The following RGS5 variants were observed in gnomAD, a reference collection of about 807,000 sequenced individuals.
RGS5 encodes regulator of G protein signaling 5, also known as regulator of G-protein signalling 5.
RGS5 carries 20 observed loss-of-function variants against 18.9 expected under a neutral mutation model. That is an observed-to-expected ratio of 1.06 (90% CI 0.74 to 1.54). The LOEUF (loss-of-function observed/expected upper bound fraction) is 1.54, where lower values mean the gene tolerates loss of function less well. Among genes scored for constraint, RGS5 ranks in the 40% most tolerant of loss-of-function variants. The probability of loss-of-function intolerance (pLI) is 0.00; values close to 1 mark genes in which losing one functional copy is unlikely to be tolerated. For synonymous variants in RGS5, 57 were observed against 76.2 expected (o/e 0.75, Z 1.31); for missense variants, 201 against 211.8 (o/e 0.95, Z 0.32).
At chr1:163,225,868 C>T (rs1195559913) in intron 2 of RGS5, among the ~76,000 whole-genome samples, 4 of 152,056 alleles carry the variant, frequency 2.6e-5, no homozygotes, top group African/African-American at 9.7e-5. Flanking sequence ...TTTCCTGAGA[C>T]AATATTGATT....
chr1:163,246,291 C>A (rs1203804663), intron 2 of RGS5, among the ~76,000 whole-genome samples: 3 of 150,846 alleles, frequency 2.0e-5, no homozygotes, highest in Non-Finnish European at 4.4e-5. Flanking sequence ...AAGCACAGGG[C>A]CAGGCGTGGT....
At position 163,146,044 on chromosome 1, in the gene RGS5, T is replaced by C. The variant is rs992855931; in HGVS notation, c.*1298A>G. On this transcript the variant is annotated 3_prime_UTR_variant, in exon 5 of 5. Coordinates refer to ENST00000313961, the MANE Select transcript of RGS5 (RefSeq NM_003617.4). Reference sequence around the variant, plus strand: ...ATTATTTAATCAAATCTACTAAAGATTAGAAAAAATTCTAGCAAGACTTAT... The same window carrying C: ...ATTATTTAATCAAATCTACTAAAGACTAGAAAAAATTCTAGCAAGACTTAT... 6.6e-6 allele frequency: 1 copy of C among 152,162 alleles called. No homozygotes were observed. Among genetic ancestry groups the C allele is most frequent in the African/African-American group, 2.4e-5 (1 of 41,444 alleles). 9.4% of individuals were successfully genotyped at this position (152,162 alleles called of 1,614,324 possible). A position where few individuals can be genotyped will look rare whatever the true frequency, so the allele number is the denominator to read the frequency against.
chr1:163,231,442 A>G (rs1165144015), intron 2 of RGS5, among the ~76,000 whole-genome samples: 3 of 152,194 alleles, frequency 2.0e-5, no homozygotes, highest in Admixed American at 6.5e-5. Flanking sequence ...TATGTTTTGC[A>G]GGAGTAACCC....
upstream of RGS5, among the ~76,000 whole-genome samples, chr1:163,222,597 T>C (rs188471277): frequency 7.2e-5 from 11 of 152,246 alleles, no homozygotes; most frequent in East Asian, 2.1e-3. Flanking sequence ...TCTTATTAAA[T>C]AGCGACAGGT....
rs760512322 is a variant in RGS5, at chr1:163,275,479, G to C, written c.-281+30754C>G. Among the ~76,000 whole-genome samples the C allele has an allele frequency of 8.5e-5, 13 of 152,294 alleles. No homozygotes were observed. The East Asian group carries it at 9.7e-4, about 11-fold the overall frequency. On this transcript the variant is annotated intron_variant, in intron 2 of 5. Coordinates refer to the RGS5 transcript ENST00000618415. ...CAACACTTTAAATGACTAAAGTCCA[G>C]ATTAAGGGGGACACCTTCTAGCAGT...
At chr1:163,182,689 G>C (rs1658904717) in intron 1 of RGS5, among the ~76,000 whole-genome samples, 1 of 152,156 alleles carries the variant, frequency 6.6e-6, no homozygotes, top group Admixed American at 6.5e-5. Flanking sequence ...ATAATGAATA[G>C]TGGGAAAATT....
intron 2 of RGS5, chr1:163,239,034 G>A (rs1397242003): frequency 9.3e-6 from 2 of 215,022 alleles, no homozygotes; most frequent in Non-Finnish European, 2.1e-5. Context: ...GTGAGCTACT[G>A]CGGTACCAAG....
chr1:163,175,117 G>A (rs1658489249), intron 1 of RGS5, among the ~76,000 whole-genome samples: 1 of 152,126 alleles, frequency 6.6e-6, no homozygotes, highest in Admixed American at 6.5e-5. Flanking sequence ...AACATGTCTG[G>A]AATAGATACC....
intron 4 of RGS5, among the ~76,000 whole-genome samples, chr1:163,150,858 G>A (rs1374333167): frequency 6.6e-6 from 1 of 152,110 alleles, no homozygotes; most frequent in East Asian, 1.9e-4. Context: ...ATATCTAATG[G>A]TGGAACTCCA....
At chr1:163,269,344 A>C (rs1648652224) in intron 2 of RGS5, among the ~76,000 whole-genome samples, 2 of 152,158 alleles carry the variant, frequency 1.3e-5, no homozygotes, top group South Asian at 4.1e-4. Context: ...TGCAAACAGA[A>C]GGTCAATGGA....
chr1:163,321,362 C>T (rs1650202784), intron 1 of RGS5: 1 of 152,170 alleles, frequency 6.6e-6, no homozygotes, highest in Admixed American at 6.5e-5. Flanking sequence ...TTCCTTCCAC[C>T]TCTTGAAGTC....
chr1:163,293,456 G>C (rs1649346259), intron 2 of RGS5, among the ~76,000 whole-genome samples: 1 of 152,114 alleles, frequency 6.6e-6, no homozygotes. Flanking sequence ...TAACAGCAAA[G>C]GGGAAACTGT....
intron 2 of RGS5, among the ~76,000 whole-genome samples, chr1:163,290,238 G>C (rs1649246919): frequency 6.6e-6 from 1 of 152,222 alleles, no homozygotes; most frequent in South Asian, 2.1e-4. Context: ...TTCTCTCACT[G>C]CAGGAGAGAG....
At chr1:163,276,633 T>C (rs1295547562) in intron 2 of RGS5, among the ~76,000 whole-genome samples, 2 of 152,232 alleles carry the variant, frequency 1.3e-5, no homozygotes, top group Non-Finnish European at 2.9e-5. Context: ...TGGCTGTCCA[T>C]GTCCATTACT....
chr1:163,289,304 TCCTA>T (rs1308057882), intron 2 of RGS5, among the ~76,000 whole-genome samples: 3 of 151,852 alleles, frequency 2.0e-5, no homozygotes, highest in Non-Finnish European at 1.5e-5. Context: ...GAAATGCCCT[TCCTA>T]CCTTTCTTGG....
intron 2 of RGS5, among the ~76,000 whole-genome samples, chr1:163,162,281 A>G (rs1312236058): frequency 2.0e-5 from 3 of 152,212 alleles, no homozygotes; most frequent in African/African-American, 4.8e-5. Context: ...ATCCCATGAA[A>G]GTTGTTCCAA....
intron 1 of RGS5, among the ~76,000 whole-genome samples, chr1:163,196,777 T>C (rs1237806003): frequency 6.6e-6 from 1 of 152,096 alleles, no homozygotes; most frequent in Non-Finnish European, 1.5e-5. Flanking sequence ...CCTTCTCCCA[T>C]AGCAGGCACC....
rs917708294 is a variant in RGS5 at position 163,261,093 on chromosome 1, T to G, written c.-281+45140A>C. 2.2e-5 allele frequency among the ~76,000 whole-genome samples: 3 copies of G among 138,640 alleles called. No individual in the cohort carries two copies. In the East Asian group the frequency reaches 6.0e-4, roughly 28 times the overall value. 91.0% of individuals were successfully genotyped at this position (138,640 alleles called of 152,430 possible). On this transcript the variant is annotated intron_variant, in intron 2 of 5. Coordinates refer to the RGS5 transcript ENST00000618415. The stretch of plus-strand genomic sequence containing the variant: ...TGTGATTGAAATTTAACTTTTGTAT[T>G]TTGACTTAAACTGGATTTCAAGCTC...
At chr1:163,180,215 A>C (rs1226055890) in intron 1 of RGS5, among the ~76,000 whole-genome samples, 2 of 152,246 alleles carry the variant, frequency 1.3e-5, no homozygotes, top group African/African-American at 4.8e-5. Flanking sequence ...AGCTCAGATG[A>C]TCCACCCGCC....
Sources: gnomAD v4.1 joint callset for allele counts (sites outside exome capture counted in the v4.1 genomes callset) on GRCh38, gnomAD v4.1.1 for gene constraint, MANE v1.5 for transcripts, NCBI Gene and HGNC (gene_info 2026-07-23, HGNC 2026-07-21) for gene names.